Variants in FCHSD2 observed in about 807,000 individuals in gnomAD.
FCHSD2 encodes the protein FCH and double SH3 domains 2, also known as F-BAR and double SH3 domains protein 2.
In FCHSD2, 38 loss-of-function variants were observed where a neutral mutation model predicts 108.1. That is an observed-to-expected ratio of 0.35 (90% CI 0.27 to 0.46). The LOEUF (loss-of-function observed/expected upper bound fraction) is 0.46, where lower values mean the gene tolerates loss of function less well. Ranked by LOEUF, FCHSD2 falls within the 20% of genes least tolerant of loss-of-function variation. The pLI is 1.00. For missense variants in FCHSD2, 751 were observed against 897.8 expected, an observed-to-expected ratio of 0.84 and a Z score of 2.09; for synonymous variants, 279 against 314.7, an observed-to-expected ratio of 0.89 and a Z score of 1.20.
chr11:73,062,775 A>G (rs1202230822), intron 3 of FCHSD2, among the ~76,000 whole-genome samples: 1 of 152,252 alleles, frequency 6.6e-6, no homozygotes, highest in Non-Finnish European at 1.5e-5. Context: ...CTTCCAAGAA[A>G]TATGAGACTA....
At chr11:72,866,365 G>A (rs1854725141) in intron 13 of FCHSD2, among the ~76,000 whole-genome samples, 1 of 152,132 alleles carries the variant, frequency 6.6e-6, no homozygotes, top group Admixed American at 6.6e-5. Context: ...TGCCTCCCGG[G>A]TTCAAGCGAT....
intron 8 of FCHSD2, among the ~76,000 whole-genome samples, chr11:72,924,792 T>C (rs1460474242): frequency 1.3e-5 from 2 of 152,092 alleles, no homozygotes; most frequent in Non-Finnish European, 2.9e-5. Context: ...ACTTCAAATT[T>C]AGGCACTGCA....
intron 2 of FCHSD2, among the ~76,000 whole-genome samples, chr11:73,114,745 T>G (rs1860565902): frequency 6.6e-6 from 1 of 152,112 alleles, no homozygotes. Flanking sequence ...TAGGGCCTGA[T>G]GACTCCGCCC....
chr11:73,044,470 C>T (rs928975114), intron 3 of FCHSD2, among the ~76,000 whole-genome samples: 2 of 152,052 alleles, frequency 1.3e-5, no homozygotes, highest in African/African-American at 2.4e-5. Context: ...GTCCTAGCTA[C>T]TCAGGAGGCT....
chr11:72,978,936 A>G (rs1440002632), intron 8 of FCHSD2, among the ~76,000 whole-genome samples: 3 of 142,726 alleles, frequency 2.1e-5, no homozygotes, highest in Non-Finnish European at 4.5e-5. Context: ...AGCTCACTGC[A>G]ACCTCCACCT....
intron 2 of FCHSD2, among the ~76,000 whole-genome samples, chr11:73,139,230 G>T (rs1861190788): frequency 6.6e-6 from 1 of 152,182 alleles, no homozygotes; most frequent in Admixed American, 6.5e-5. Context: ...CGAAGTTAGT[G>T]TACCACCAGA....
chr11:72,888,941 A>G (rs913346007), intron 11 of FCHSD2, among the ~76,000 whole-genome samples: 3 of 150,054 alleles, frequency 2.0e-5, no homozygotes, highest in Non-Finnish European at 3.0e-5. Flanking sequence ...TTTTCATGAA[A>G]TCTATAATTG....
chr11:72,940,941 C>G, intron 8 of FCHSD2: 1 of 779,550 alleles, frequency 1.3e-6, no homozygotes, highest in Non-Finnish European at 2.3e-6. Flanking sequence ...ATCCTGACAC[C>G]CAATGGATCA....
rs186399419 is a variant in FCHSD2 at position 73,127,395 on chromosome 11, C to T, written c.119+12636G>A. 1.6e-4 allele frequency among the ~76,000 whole-genome samples: 24 copies of T among 152,042 alleles called. No individual in the cohort carries two copies. In the East Asian group the frequency reaches 4.1e-3, roughly 26 times the overall value. On this transcript the variant is annotated intron_variant, in intron 2 of 19. Coordinates refer to ENST00000409418, the MANE Select transcript of FCHSD2 (RefSeq NM_014824.3). ...CAGCTAAGGTTCCATAAATTACTCC[C>T]GATCAACACTGACAGAACATCTGCA...
At chr11:73,055,944 T>C (rs890432912) in intron 3 of FCHSD2, among the ~76,000 whole-genome samples, 2 of 152,318 alleles carry the variant, frequency 1.3e-5, no homozygotes, top group South Asian at 2.1e-4. Context: ...GTGGTGATAG[T>C]TGCACAACAC....
At chr11:73,047,641 T>C (rs1442812165) in intron 3 of FCHSD2, among the ~76,000 whole-genome samples, 1 of 152,206 alleles carries the variant, frequency 6.6e-6, no homozygotes, top group Non-Finnish European at 1.5e-5. Flanking sequence ...TAACGGCAAA[T>C]ATTTATGCTC....
At chr11:73,137,155 TACCAAG>T (rs1861137783) in intron 2 of FCHSD2, among the ~76,000 whole-genome samples, 1 of 152,032 alleles carries the variant, frequency 6.6e-6, no homozygotes, top group African/African-American at 2.4e-5. Context: ...TTATCATGAA[TACCAAG>T]AGGAGGCAAG....
At chr11:72,922,671 C>A (rs1421870993) in intron 8 of FCHSD2, among the ~76,000 whole-genome samples, 1 of 151,724 alleles carries the variant, frequency 6.6e-6, no homozygotes, top group African/African-American at 2.4e-5. Flanking sequence ...GTTAAAAAAA[C>A]AGAATATACA....
intron 13 of FCHSD2, among the ~76,000 whole-genome samples, chr11:72,852,739 C>T (rs1565288577): frequency 6.6e-6 from 1 of 151,048 alleles, no homozygotes; most frequent in South Asian, 2.1e-4. Context: ...GACATGAAAT[C>T]AACCTAAATA....
intron 2 of FCHSD2, among the ~76,000 whole-genome samples, chr11:73,138,025 T>C (rs1312033803): frequency 6.6e-6 from 1 of 152,132 alleles, no homozygotes; most frequent in Non-Finnish European, 1.5e-5. Flanking sequence ...ATGGAAGATA[T>C]AAGGACACTA....
intron 3 of FCHSD2, among the ~76,000 whole-genome samples, chr11:73,078,360 G>C (rs932469922): frequency 6.6e-6 from 1 of 152,086 alleles, no homozygotes; most frequent in Middle Eastern, 3.2e-3. Context: ...AGAAAGATAT[G>C]TTCATATGTC....
intron 8 of FCHSD2, among the ~76,000 whole-genome samples, chr11:72,937,369 T>C (rs924352992): frequency 2.0e-5 from 3 of 152,240 alleles, no homozygotes; most frequent in Non-Finnish European, 4.4e-5. Flanking sequence ...TGTGCATTTT[T>C]GACATCAAAG....
chr11:73,129,242 C>T (rs1490197879), intron 2 of FCHSD2, among the ~76,000 whole-genome samples: 1 of 152,146 alleles, frequency 6.6e-6, no homozygotes, highest in Non-Finnish European at 1.5e-5. Flanking sequence ...AATTTGTGAA[C>T]TAGAATTGAT....
At chr11:72,935,346 A>G (rs1461188842) in intron 8 of FCHSD2, among the ~76,000 whole-genome samples, 1 of 152,198 alleles carries the variant, frequency 6.6e-6, no homozygotes, top group African/African-American at 2.4e-5. Flanking sequence ...ATTCTTCAGC[A>G]ATAAAGTTTT....
Sources: allele counts gnomAD v4.1 joint callset (sites outside exome capture counted in the v4.1 genomes callset), GRCh38; gene constraint gnomAD v4.1.1; transcripts MANE v1.5; gene names NCBI Gene and HGNC (gene_info 2026-07-23, HGNC 2026-07-21).